The following NFIA variants were observed in gnomAD, a reference collection of about 807,000 sequenced individuals.
NFIA encodes nuclear factor I A, also known as nuclear factor 1 A-type.
Under a neutral mutation model 62.8 loss-of-function variants are expected in NFIA, and 8 were observed. The observed-to-expected ratio is 0.13, with a 90% CI of 0.07 to 0.23. The LOEUF is 0.23. Ranked by LOEUF, NFIA falls within the 10% of genes least tolerant of loss-of-function variation. The pLI is 1.00. For missense variants in NFIA, 410 were observed against 642.1 expected (o/e 0.64, Z 3.91); for synonymous variants, 235 against 238.1 (o/e 0.99, Z 0.12).
intron 4 of NFIA, among the ~76,000 whole-genome samples, chr1:61,349,111 T>G (rs1385123844): frequency 6.6e-6 from 1 of 152,130 alleles, no homozygotes; most frequent in Non-Finnish European, 1.5e-5. Flanking sequence ...ATTTCATACA[T>G]AAAGATTACC....
intron 3 of NFIA, among the ~76,000 whole-genome samples, chr1:61,325,964 A>G (rs1660916136): frequency 6.6e-6 from 1 of 151,632 alleles, no homozygotes; most frequent in Admixed American, 6.6e-5. Flanking sequence ...AATCTGCCAA[A>G]GAATTATACT....
intron 7 of NFIA, among the ~76,000 whole-genome samples, chr1:61,401,096 C>T (rs1211624052): frequency 2.0e-5 from 3 of 152,178 alleles, no homozygotes; most frequent in South Asian, 4.1e-4. Flanking sequence ...TTCAGGATCT[C>T]GAATGATTTC....
intron 3 of NFIA, among the ~76,000 whole-genome samples, chr1:61,324,072 G>A (rs1331694158): frequency 6.6e-6 from 1 of 152,162 alleles, no homozygotes; most frequent in Admixed American, 6.5e-5. Flanking sequence ...GAAGATTAAC[G>A]AGCCACATTC....
At chr1:61,128,075 C>T (rs970700504) in intron 2 of NFIA, among the ~76,000 whole-genome samples, 6 of 152,016 alleles carry the variant, frequency 3.9e-5, no homozygotes, top group Non-Finnish European at 7.4e-5. Context: ...CCTAAAAATG[C>T]GCTTGTACTG....
At chr1:61,225,540 C>T (rs532601264) in intron 2 of NFIA, among the ~76,000 whole-genome samples, 4 of 149,252 alleles carry the variant, frequency 2.7e-5, no homozygotes, top group African/African-American at 7.4e-5. Context: ...TGAGCCATCG[C>T]GCCCAGCTCG....
In NFIA at chr1:61,083,480, C is replaced by G. The variant is rs182605651; in HGVS notation, c.27+662C>G. Among the ~76,000 whole-genome samples, 215 of 152,176 alleles carry G rather than the reference C, an allele frequency of 1.4e-3. 3 individuals carry two copies. The highest frequency in any genetic ancestry group is 3.1e-3 in the South Asian group (15 of 4,834). On this transcript the variant is annotated intron_variant, in intron 1 of 10. Transcript: ENST00000403491. ...GCTCCCGTCCCGGCCCCGGCCCGGACAGCGCCCCTCGGACGCGGGCAGGCT... is the reference window on the plus strand; with the variant it reads ...GCTCCCGTCCCGGCCCCGGCCCGGAGAGCGCCCCTCGGACGCGGGCAGGCT...
chr1:61,192,790 G>A (rs759423806), intron 2 of NFIA, among the ~76,000 whole-genome samples: 1 of 152,024 alleles, frequency 6.6e-6, no homozygotes, highest in African/African-American at 2.4e-5. Context: ...TGTAAGTGCC[G>A]AAGCACCAAG....
intron 2 of NFIA, chr1:61,248,797 C>T (rs1480648881): frequency 6.6e-6 from 1 of 152,216 alleles, no homozygotes; most frequent in Non-Finnish European, 1.5e-5. Flanking sequence ...AAATCTTCCC[C>T]AGCCCCAATT....
chr1:61,219,825 G>A (rs933716761), intron 2 of NFIA, among the ~76,000 whole-genome samples: 13 of 151,870 alleles, frequency 8.6e-5, no homozygotes, highest in Non-Finnish European at 1.5e-4. Flanking sequence ...TTAGTGGGGC[G>A]CAGTGGCCCA....
intron 2 of NFIA, among the ~76,000 whole-genome samples, chr1:61,139,743 TC>T (rs1166035319): frequency 6.6e-6 from 1 of 152,088 alleles, no homozygotes; most frequent in African/African-American, 2.4e-5. Context: ...ACAGATGTAT[TC>T]CCATTCTTCT....
intron 3 of NFIA, among the ~76,000 whole-genome samples, chr1:61,291,106 A>T (rs1312069790): frequency 2.0e-5 from 3 of 152,240 alleles, no homozygotes; most frequent in Non-Finnish European, 4.4e-5. Flanking sequence ...ACTGGTTAAT[A>T]GCCTTTAACT....
chr1:61,293,297 C>T (rs1259633655), intron 3 of NFIA, among the ~76,000 whole-genome samples: 1 of 152,172 alleles, frequency 6.6e-6, no homozygotes, highest in African/African-American at 2.4e-5. Flanking sequence ...TCAATGGATT[C>T]TGGCACTCTT....
At chr1:61,280,590 TCATCCCAAAC>T (rs1181510866) in intron 3 of NFIA, among the ~76,000 whole-genome samples, 2 of 152,226 alleles carry the variant, frequency 1.3e-5, no homozygotes, top group Non-Finnish European at 2.9e-5. Flanking sequence ...ACACGCTGTT[TCATCCCAAAC>T]CGTAAACTGG....
intron 7 of NFIA, among the ~76,000 whole-genome samples, chr1:61,386,253 T>A (rs1211034354): frequency 6.6e-6 from 1 of 152,118 alleles, no homozygotes; most frequent in Non-Finnish European, 1.5e-5. Context: ...CAAGAGTCAG[T>A]GTGGAATCGA....
intron 2 of NFIA, among the ~76,000 whole-genome samples, chr1:61,275,250 T>G (rs1016825660): frequency 1.3e-5 from 2 of 152,162 alleles, no homozygotes; most frequent in African/African-American, 4.8e-5. Flanking sequence ...TGGCTTGGAA[T>G]TTTAAACTTT....
intron 2 of NFIA, among the ~76,000 whole-genome samples, chr1:61,159,258 T>C (rs1649012181): frequency 6.6e-6 from 1 of 151,852 alleles, no homozygotes; most frequent in Non-Finnish European, 1.5e-5. Context: ...GGAAAACAAA[T>C]CAAAAAGACA....
Position 61,182,920 on chromosome 1 carries a change from G to A in NFIA, c.559+94240G>A, listed in dbSNP as rs532001383. ...CCCGAATATTGAAAACCATGAAAAG[G>A]CTTTGCCCTGACAGCTACATGCTTA... On this transcript the variant is annotated intron_variant, in intron 2 of 10. Transcript: ENST00000403491. 4.6e-5 allele frequency among the ~76,000 whole-genome samples: 7 copies of A among 152,270 alleles called. No homozygotes were observed. In the East Asian group the frequency reaches 7.7e-4, roughly 17 times the overall value.
chr1:61,376,495 A>G (rs1221432259), intron 6 of NFIA, among the ~76,000 whole-genome samples: 1 of 152,178 alleles, frequency 6.6e-6, no homozygotes. Context: ...TCTGTGTTAG[A>G]ATCGCTGATA....
chr1:61,426,323 A>G, intron 9 of NFIA, 142 bp from the exon 10 acceptor site: 1 of 640,240 alleles, frequency 1.6e-6, no homozygotes, highest in Non-Finnish European at 2.8e-6. Flanking sequence ...TGCCCTTGCT[A>G]GCCAGACCCC....
Sources: allele counts gnomAD v4.1 joint callset (sites outside exome capture counted in the v4.1 genomes callset), GRCh38; gene constraint gnomAD v4.1.1; transcripts MANE v1.5; gene names NCBI Gene and HGNC (gene_info 2026-07-23, HGNC 2026-07-21).